Variants in EPG5 observed in about 807,000 individuals in gnomAD.
EPG5 encodes the protein ectopic P granules protein 5 homolog.
Under a neutral mutation model 302.7 loss-of-function variants are expected in EPG5, and 159 were observed. That is an observed-to-expected ratio of 0.53 (90% CI 0.46 to 0.60). The LOEUF is 0.60. Ranked by LOEUF, EPG5 falls within the 20% of genes least tolerant of loss-of-function variation. The pLI, the probability that EPG5 is intolerant of heterozygous loss-of-function variation, is 0.00. For synonymous variants in EPG5, 1,158 were observed against 1,136.8 expected (o/e 1.02, Z -0.37); for missense variants, 2,896 against 3,092.4 (o/e 0.94, Z 1.51).
At chr18:45,959,707 C>T (rs1394758187) in intron 1 of EPG5, among the ~76,000 whole-genome samples, 2 of 151,362 alleles carry the variant, frequency 1.3e-5, no homozygotes, top group Non-Finnish European at 2.9e-5. Flanking sequence ...GGCCTGGGTG[C>T]AGTGGCTCAT....
the EPG5 span, chr18:45,828,976 G>A: frequency 4.2e-6 from 2 of 476,022 alleles, no homozygotes; most frequent in African/African-American, 2.1e-5. Flanking sequence ...CCCAGTGGCT[G>A]TTGTGAGCAG....
chr18:45,919,143 T>A (rs2050094899), intron 16 of EPG5, among the ~76,000 whole-genome samples: 4 of 152,220 alleles, frequency 2.6e-5, no homozygotes, highest in Non-Finnish European at 5.9e-5. Flanking sequence ...ATTTTCTGAC[T>A]TCTCTACAAT....
In EPG5 at chr18:45,925,932, AT is replaced by A. The variant is rs754556660; in HGVS notation, c.2554-31del. 7.1e-6 allele frequency: 9 copies of A among 1,273,502 alleles called. No individual in the cohort carries two copies. In the African/African-American group the frequency reaches 1.4e-4, roughly 20 times the overall value. The allele number at this position is 1,273,502 out of a possible 1,614,324, so 78.9% of individuals were successfully genotyped here. A position where few individuals can be genotyped will look rare whatever the true frequency, so the allele number is the denominator to read the frequency against. On this transcript the variant is annotated intron_variant, in intron 13 of 43. Coordinates refer to ENST00000282041, the MANE Select transcript of EPG5 (RefSeq NM_020964.3). ...TTAAAAAGAAAACAATAATCATTAA[AT>A]AAAGACTTAGAAACAATGCTATATT...
intron 11 of EPG5, among the ~76,000 whole-genome samples, chr18:45,933,812 C>T (rs1309342653): frequency 2.0e-5 from 3 of 151,720 alleles, no homozygotes; most frequent in African/African-American, 7.3e-5. Flanking sequence ...GGAAAACAGC[C>T]TTTACTTCCT....
chr18:45,815,418 TG>T, the EPG5 span, among the ~76,000 whole-genome samples: 1 of 150,988 alleles, frequency 6.6e-6, no homozygotes, highest in South Asian at 2.1e-4. Flanking sequence ...CAAAAATATT[TG>T]AAAAAAAAAA....
At chr18:45,884,595 T>G in intron 30 of EPG5, 22 bp downstream of exon 30, 1 of 1,570,716 alleles carries the variant, frequency 6.4e-7, no homozygotes, top group African/African-American at 1.4e-5. Flanking sequence ...AACAATATGG[T>G]GAGGATGGAA....
At chr18:45,931,761 G>A (rs2050402156) in intron 11 of EPG5, among the ~76,000 whole-genome samples, 1 of 152,036 alleles carries the variant, frequency 6.6e-6, no homozygotes, top group Admixed American at 6.6e-5. Context: ...CTTGAACCTG[G>A]GAGGCGGAGG....
At position 45,847,773 on chromosome 18, in the gene EPG5, T is replaced by C. The variant is rs899190790; in HGVS notation, c.*4694A>G. 1.3e-5 allele frequency: 2 copies of C among 152,486 alleles called. No individual in the cohort carries two copies. The highest frequency in any genetic ancestry group is 4.8e-5 in the African/African-American group (2 of 41,398). 9.4% of individuals were successfully genotyped at this position (152,486 alleles called of 1,614,324 possible). ...GCACATTTAATGTCCAAAATAAAGT[T>C]GTGGTTTTTAAAGGTCACACTAGAT... On this transcript the variant is annotated 3_prime_UTR_variant, in exon 44 of 44. Coordinates refer to ENST00000282041, the MANE Select transcript of EPG5 (RefSeq NM_020964.3).
chr18:45,877,035 T>C (rs2048985644), intron 34 of EPG5, among the ~76,000 whole-genome samples: 2 of 152,110 alleles, frequency 1.3e-5, no homozygotes. Context: ...CCACCTGCCT[T>C]GGCCTCCCAA....
rs538998121 is a variant in EPG5 at position 45,875,221 on chromosome 18, G to C, written c.6049+1015C>G. ...CCTAGGCCTTATGAGATTCCCATCA[G>C]TCTCTCTAAATATGGGCTCACAATA... On this transcript the variant is annotated intron_variant, in intron 35 of 43. Transcript: ENST00000282041. Among the ~76,000 whole-genome samples, 58 of 152,266 alleles carry C rather than the reference G, an allele frequency of 3.8e-4. 1 individual carries two copies. The South Asian group carries it at 0.012, about 32-fold the overall frequency.
chr18:45,925,180 A>T (rs2050241080), intron 14 of EPG5, among the ~76,000 whole-genome samples: 1 of 152,184 alleles, frequency 6.6e-6, no homozygotes, highest in Non-Finnish European at 1.5e-5. Context: ...GAGACAAAAC[A>T]ACAGATACAG....
At chr18:45,818,401 G>A in the EPG5 span, among the ~76,000 whole-genome samples, 6 of 152,134 alleles carry the variant, frequency 3.9e-5, no homozygotes, top group South Asian at 1.2e-3. Flanking sequence ...GATTGATTAT[G>A]CCTAATTGTT....
chr18:45,838,989 T>A, the EPG5 span: 1 of 1,599,184 alleles, frequency 6.3e-7, no homozygotes, highest in Non-Finnish European at 8.5e-7. Context: ...TCCGCTTCCA[T>A]GGCGCCAGCG....
At chr18:45,905,891 A>G (rs192143460) in intron 24 of EPG5, among the ~76,000 whole-genome samples, 27 of 152,316 alleles carry the variant, frequency 1.8e-4, no homozygotes, top group Admixed American at 7.2e-4. Flanking sequence ...TCAAGCATAA[A>G]AAGATGAGGA....
At chr18:45,822,535 G>A in the EPG5 span, among the ~76,000 whole-genome samples, 2 of 152,108 alleles carry the variant, frequency 1.3e-5, no homozygotes, top group African/African-American at 4.8e-5. Flanking sequence ...CAAATAGCTA[G>A]AAGAAGGATA....
the EPG5 span, among the ~76,000 whole-genome samples, chr18:45,824,091 G>A: frequency 1.3e-5 from 2 of 152,158 alleles, no homozygotes; most frequent in Non-Finnish European, 2.9e-5. Flanking sequence ...GTGCAAAGAT[G>A]GCTTGGGAAC....
In EPG5 at chr18:45,884,813, T is replaced by C. The variant is rs756378362; in HGVS notation, c.5110-2A>G. The stretch of plus-strand genomic sequence containing the variant: ...TGATTTAATGCCACTGATAAATACC[T>C]TGGAAAAATAAAAAGGAAAAATGTC... On this transcript the variant is annotated splice_acceptor_variant, in intron 29 of 43. Coordinates refer to ENST00000282041, the MANE Select transcript of EPG5 (RefSeq NM_020964.3). LOFTEE classifies it high-confidence loss of function. 2 of 1,516,644 alleles carry C rather than the reference T, an allele frequency of 1.3e-6. No homozygotes were observed. The highest frequency in any genetic ancestry group is 2.6e-5 in the East Asian group (1 of 38,624). The allele number at this position is 1,516,644 out of a possible 1,614,324, so 93.9% of individuals were successfully genotyped here.
At chr18:45,856,878 G>C (rs974607453) in intron 42 of EPG5, among the ~76,000 whole-genome samples, 12 of 152,162 alleles carry the variant, frequency 7.9e-5, no homozygotes, top group African/African-American at 2.9e-4. Context: ...ATCCAGACTT[G>C]CTTCTCATTA....
At chr18:45,910,400 T>C in intron 23 of EPG5, 121 bp downstream of exon 23, 1 of 711,232 alleles carries the variant, frequency 1.4e-6, no homozygotes. Context: ...AAAGCCACCT[T>C]CCATATTCAA....
Sources: allele counts gnomAD v4.1 joint callset (sites outside exome capture counted in the v4.1 genomes callset), GRCh38; gene constraint gnomAD v4.1.1; transcripts MANE v1.5; gene names NCBI Gene and HGNC (gene_info 2026-07-23, HGNC 2026-07-21).